The following NOX4 variants were observed in gnomAD, a reference collection of about 807,000 sequenced individuals.
The protein encoded by NOX4 is kidney oxidase-1.
A neutral mutation model predicts 87.6 loss-of-function variants in NOX4; 69 were observed. That is an observed-to-expected ratio of 0.79 (90% CI 0.65 to 0.96). NOX4 has a LOEUF of 0.96. Ranked by LOEUF, NOX4 falls within the 40% of genes least tolerant of loss-of-function variation. The pLI, the probability that NOX4 is intolerant of heterozygous loss-of-function variation, is 0.00. For synonymous variants in NOX4, 275 were observed against 238.2 expected, an observed-to-expected ratio of 1.15 and a Z score of -1.42; for missense variants, 680 against 681.5, an observed-to-expected ratio of 1.00 and a Z score of 0.02.
the NOX4 span, among the ~76,000 whole-genome samples, chr11:89,543,196 T>G: frequency 6.6e-6 from 1 of 152,066 alleles, no homozygotes; most frequent in Non-Finnish European, 1.5e-5. Context: ...ACTGCCTAAA[T>G]CTATATAAAA....
chr11:89,464,733 G>T (rs1307708247), intron 2 of NOX4, among the ~76,000 whole-genome samples: 1 of 152,006 alleles, frequency 6.6e-6, no homozygotes, highest in Non-Finnish European at 1.5e-5. Flanking sequence ...ACCTGTCAAG[G>T]TATCTAAGAT....
At chr11:89,508,631 G>A in the NOX4 span, among the ~76,000 whole-genome samples, 30 of 152,098 alleles carry the variant, frequency 2.0e-4, 1 homozygote, top group South Asian at 2.5e-3. Context: ...TGGAGAGGAC[G>A]GATATGAGGA....
chr11:89,419,119 A>G (rs1942951373), intron 8 of NOX4, among the ~76,000 whole-genome samples: 1 of 152,072 alleles, frequency 6.6e-6, no homozygotes. Flanking sequence ...TCAATGATCA[A>G]TGCTGGATGA....
intron 2 of NOX4, among the ~76,000 whole-genome samples, chr11:89,484,081 A>C (rs561596317): frequency 2.2e-4 from 33 of 152,076 alleles, no homozygotes; most frequent in Non-Finnish European, 4.6e-4. Flanking sequence ...TCTTAGACTA[A>C]AGTCTAGTAT....
the NOX4 span, among the ~76,000 whole-genome samples, chr11:89,540,785 C>CAAAAAA: frequency 2.0e-5 from 1 of 48,940 alleles, no homozygotes; most frequent in South Asian, 1.2e-3. Context: ...AAGACTCCGT[C>CAAAAAA]TAAAAAAAAA....
At chr11:89,451,380 A>G (rs1245332510) in intron 3 of NOX4, among the ~76,000 whole-genome samples, 1 of 152,096 alleles carries the variant, frequency 6.6e-6, no homozygotes, top group Non-Finnish European at 1.5e-5. Flanking sequence ...CAGAATCTCA[A>G]TGAGACAAGA....
intron 6 of NOX4, among the ~76,000 whole-genome samples, chr11:89,438,860 ATATATTATATATAT>A (rs1565293736): frequency 2.3e-5 from 1 of 43,704 alleles, no homozygotes; most frequent in Non-Finnish European, 3.2e-5. Context: ...ATAATATATT[ATATATTATATATAT>A]AATATATAAT....
In NOX4 at chr11:89,373,290, A is replaced by AAC; in HGVS notation, c.1135+141_1135+142insGT. On this transcript the variant is annotated intron_variant, in intron 12 of 17. Coordinates refer to ENST00000263317, the MANE Select transcript of NOX4 (RefSeq NM_016931.5). ...AAACTGTACAAGCAAAAAAAAAAAA[A>AAC]AAAAAAAACAAAAAAAAACCCAGAA... The AAC allele has an allele frequency of 6.3e-6, 3 of 479,244 alleles. No individual in the cohort carries two copies. The Admixed American group carries it at 1.1e-4, about 17-fold the overall frequency. 29.7% of individuals were successfully genotyped at this position (479,244 alleles called of 1,614,324 possible).
upstream of NOX4, among the ~76,000 whole-genome samples, chr11:89,501,424 G>T (rs143095793): frequency 3.9e-5 from 6 of 152,020 alleles, no homozygotes; most frequent in African/African-American, 1.4e-4. Flanking sequence ...GTTAAGGGAA[G>T]GAAAGATGAG....
chr11:89,438,898 T>TA (rs1565294208), intron 6 of NOX4, among the ~76,000 whole-genome samples: 560 of 19,890 alleles, frequency 0.028, 15 homozygotes, highest in African/African-American at 0.13. Context: ...TTATATATTA[T>TA]ATATATAATA....
At chr11:89,350,734 A>AT (rs954288337) in intron 13 of NOX4, among the ~76,000 whole-genome samples, 22 of 150,422 alleles carry the variant, frequency 1.5e-4, no homozygotes, top group Non-Finnish European at 2.9e-4. Flanking sequence ...ACTTTACAGA[A>AT]TTTTTTTTAT....
chr11:89,574,112 C>A, the NOX4 span, among the ~76,000 whole-genome samples: 5 of 152,144 alleles, frequency 3.3e-5, no homozygotes, highest in African/African-American at 7.2e-5. Flanking sequence ...GCACAGGCTG[C>A]CAAATTATCA....
At chr11:89,446,754 T>C (rs1479681198) in intron 4 of NOX4, among the ~76,000 whole-genome samples, 1 of 152,122 alleles carries the variant, frequency 6.6e-6, no homozygotes, top group South Asian at 2.1e-4. Flanking sequence ...AGAGGATTTT[T>C]AGGGCAATGA....
chr11:89,371,044 G>C (rs982712481), intron 12 of NOX4, among the ~76,000 whole-genome samples: 2 of 151,850 alleles, frequency 1.3e-5, no homozygotes, highest in African/African-American at 4.8e-5. Flanking sequence ...TATCTCTTTG[G>C]TATTTCCTAT....
At chr11:89,469,860 T>C (rs1451982747) in intron 2 of NOX4, among the ~76,000 whole-genome samples, 1 of 152,182 alleles carries the variant, frequency 6.6e-6, no homozygotes, top group African/African-American at 2.4e-5. Context: ...TATTACCTGA[T>C]GGGCTATTTT....
At chr11:89,417,515 A>G (rs945408816) in intron 8 of NOX4, among the ~76,000 whole-genome samples, 1 of 152,164 alleles carries the variant, frequency 6.6e-6, no homozygotes, top group African/African-American at 2.4e-5. Flanking sequence ...ATAAACCTTT[A>G]TTGCTAAAAA....
chr11:89,571,864 A>G, the NOX4 span, among the ~76,000 whole-genome samples: 1 of 152,166 alleles, frequency 6.6e-6, no homozygotes, highest in Non-Finnish European at 1.5e-5. Context: ...CAAAGGACAG[A>G]CGGAACTCAA....
chr11:89,394,348 T>TA (rs1333409834), intron 11 of NOX4, among the ~76,000 whole-genome samples: 1 of 106,908 alleles, frequency 9.4e-6, no homozygotes, highest in Non-Finnish European at 1.7e-5. Flanking sequence ...AAAAATAGTT[T>TA]AAAAAACAAC....
chr11:89,587,055 TA>T, the NOX4 span, among the ~76,000 whole-genome samples: 1 of 152,152 alleles, frequency 6.6e-6, no homozygotes, highest in East Asian at 1.9e-4. Flanking sequence ...CCCAAGATGA[TA>T]AAAAAGGCAA....
Sources: gnomAD v4.1 joint callset for allele counts (sites outside exome capture counted in the v4.1 genomes callset) on GRCh38, gnomAD v4.1.1 for gene constraint, MANE v1.5 for transcripts, NCBI Gene and HGNC (gene_info 2026-07-23, HGNC 2026-07-21) for gene names.